The following ERC2 variants were observed in gnomAD, a reference collection of about 807,000 sequenced individuals.
The protein encoded by ERC2 is ELKS/RAB6-interacting/CAST family member 2.
A neutral mutation model predicts 114.8 loss-of-function variants in ERC2; 42 were observed. The observed-to-expected ratio is 0.37, with a 90% confidence interval of 0.29 to 0.47. ERC2 has a LOEUF of 0.47. ERC2 is among the 20% of genes least tolerant of loss of function. The pLI is 0.99. For synonymous variants in ERC2, 454 were observed against 425.5 expected, an observed-to-expected ratio of 1.07 and a Z score of -0.82; for missense variants, 939 against 1,150.7, an observed-to-expected ratio of 0.82 and a Z score of 2.66.
At position 55,636,779 on chromosome 3, in the gene ERC2, G is replaced by A. The variant is rs148085814; in HGVS notation, c.*39+47015C>T. Among the ~76,000 whole-genome samples, 1,398 of 152,338 alleles carry A rather than the reference G, an allele frequency of 9.2e-3. 21 individuals are homozygous for A. Among genetic ancestry groups the A allele is most frequent in the African/African-American group, 0.032 (1,347 of 41,584 alleles). On this transcript the variant is annotated intron_variant, in intron 17 of 17. Transcript: ENST00000288221. ...TATTTACAAAAACAGGCAGGGCACTGAATCTGGCCCGCAGCCCTACGGTTT... is the reference window on the plus strand; with the variant it reads ...TATTTACAAAAACAGGCAGGGCACTAAATCTGGCCCGCAGCCCTACGGTTT...
chr3:56,392,973 C>G lies in ERC2; in HGVS notation c.657+41378G>C, dbSNP rs538385413. 2.5e-3 allele frequency among the ~76,000 whole-genome samples: 381 copies of G among 152,304 alleles called. 2 individuals carry two copies. Among genetic ancestry groups the G allele is most frequent in the African/African-American group, 8.9e-3 (368 of 41,562 alleles). On this transcript the variant is annotated intron_variant, in intron 2 of 17. Coordinates refer to ENST00000288221, the MANE Select transcript of ERC2 (RefSeq NM_015576.3). ...TTCAGCTCCTTCTTGCCCACAAGTC[C>G]TTTCTGGTGCCTCCCACTCAACACC...
At chr3:56,064,584 T>C (rs1373429625) in intron 7 of ERC2, among the ~76,000 whole-genome samples, 1 of 152,210 alleles carries the variant, frequency 6.6e-6, no homozygotes, top group Non-Finnish European at 1.5e-5. Flanking sequence ...AAGGAAGACC[T>C]CACCCTTGGG....
At chr3:55,994,449 T>C (rs1462606075) in intron 10 of ERC2, among the ~76,000 whole-genome samples, 1 of 152,098 alleles carries the variant, frequency 6.6e-6, no homozygotes, top group East Asian at 1.9e-4. Context: ...CTGCATCTTA[T>C]ATTTACAAAA....
intron 15 of ERC2, among the ~76,000 whole-genome samples, chr3:55,703,971 C>T (rs1018704969): frequency 2.6e-5 from 4 of 152,174 alleles, no homozygotes; most frequent in African/African-American, 9.7e-5. Context: ...ACTTACCTCA[C>T]TAAGAATAAG....
intron 4 of ERC2, among the ~76,000 whole-genome samples, chr3:56,161,558 C>CTTTG (rs1388717444): frequency 6.6e-6 from 1 of 152,134 alleles, no homozygotes; most frequent in Non-Finnish European, 1.5e-5. Context: ...TTGTTTATGT[C>CTTTG]ATCTGTGATT....
At chr3:56,363,665 C>T (rs1243903930) in intron 2 of ERC2, among the ~76,000 whole-genome samples, 1 of 152,114 alleles carries the variant, frequency 6.6e-6, no homozygotes, top group Non-Finnish European at 1.5e-5. Flanking sequence ...TTTAATCTAT[C>T]AATGTAACTT....
At chr3:55,582,075 C>T (rs938191008) in intron 17 of ERC2, among the ~76,000 whole-genome samples, 5 of 152,212 alleles carry the variant, frequency 3.3e-5, no homozygotes, top group African/African-American at 1.2e-4. Context: ...ACACTCTTCA[C>T]TTTTCCTGTA....
chr3:55,728,687 C>T (rs2065068727), intron 15 of ERC2, among the ~76,000 whole-genome samples: 2 of 152,120 alleles, frequency 1.3e-5, no homozygotes, highest in African/African-American at 2.4e-5. Flanking sequence ...GGCCTGGAGG[C>T]CAGATGTACT....
intron 3 of ERC2, among the ~76,000 whole-genome samples, chr3:56,259,856 G>C (rs2150257557): frequency 6.6e-6 from 1 of 152,234 alleles, no homozygotes; most frequent in African/African-American, 2.4e-5. Context: ...CTTTTGGCTG[G>C]ATCTATAAAA....
chr3:55,985,914 G>C lies in ERC2; in HGVS notation c.2267+63C>G, dbSNP rs142023981. On this transcript the variant is annotated intron_variant, in intron 12 of 17. Coordinates refer to ENST00000288221, the MANE Select transcript of ERC2 (RefSeq NM_015576.3). ...TTTCAGAAATGTGTTTGTTAAACAA[G>C]TGCAAGCCATAAATTGAGCTTAGGA... 1,449 of 1,420,472 alleles carry C rather than the reference G, an allele frequency of 1.0e-3. 11 individuals are homozygous for C. In the African/African-American group the frequency reaches 0.014, roughly 14 times the overall value. The allele number at this position is 1,420,472 out of a possible 1,614,324, so 88.0% of individuals were successfully genotyped here.
chr3:56,322,891 A>G (rs1198764803), intron 2 of ERC2, among the ~76,000 whole-genome samples: 2 of 152,204 alleles, frequency 1.3e-5, no homozygotes, highest in Non-Finnish European at 2.9e-5. Flanking sequence ...GTGTTGGGAC[A>G]TGGGGCCTAG....
intron 14 of ERC2, among the ~76,000 whole-genome samples, chr3:55,837,143 T>C (rs1029616644): frequency 6.6e-6 from 1 of 152,154 alleles, no homozygotes. Context: ...AGGAACACTT[T>C]TACACTGTTG....
chr3:55,715,223 G>A (rs1226265988), intron 15 of ERC2, among the ~76,000 whole-genome samples: 1 of 152,152 alleles, frequency 6.6e-6, no homozygotes, highest in Non-Finnish European at 1.5e-5. Context: ...ACCCTGTCAG[G>A]CTCTGAACCA....
chr3:55,790,610 C>A (rs992723692), intron 14 of ERC2, among the ~76,000 whole-genome samples: 2 of 152,186 alleles, frequency 1.3e-5, no homozygotes, highest in Non-Finnish European at 2.9e-5. Context: ...GGGTGAATAA[C>A]AACCCTACTA....
At chr3:55,583,342 TCTGCCTGCCTGCCTGC>T (rs560504811) in intron 17 of ERC2, among the ~76,000 whole-genome samples, 12 of 149,054 alleles carry the variant, frequency 8.1e-5, no homozygotes, top group African/African-American at 2.0e-4. Context: ...TGCCTGCCTG[TCTGCCTGCCTGCCTGC>T]CTGCCTGCCT....
At chr3:56,213,305 T>A (rs2049202879) in intron 3 of ERC2, among the ~76,000 whole-genome samples, 1 of 152,164 alleles carries the variant, frequency 6.6e-6, no homozygotes, top group African/African-American at 2.4e-5. Flanking sequence ...GAAAACTGGG[T>A]CACTCCCACC....
intron 13 of ERC2, among the ~76,000 whole-genome samples, chr3:55,930,909 A>G (rs2066039118): frequency 6.6e-6 from 1 of 152,066 alleles, no homozygotes; most frequent in South Asian, 2.1e-4. Context: ...AATTTACAGG[A>G]AAAAAAACAA....
chr3:56,467,952 G>A (rs2063625267), intron 1 of ERC2, among the ~76,000 whole-genome samples: 2 of 152,212 alleles, frequency 1.3e-5, no homozygotes, highest in Admixed American at 1.3e-4. Context: ...GAGGGACTGC[G>A]GGAGGTGGCC....
chr3:56,163,167 A>G (rs769601858), intron 4 of ERC2, among the ~76,000 whole-genome samples: 4 of 152,036 alleles, frequency 2.6e-5, no homozygotes, highest in Non-Finnish European at 4.4e-5. Context: ...CCATGTAATT[A>G]TGTGCTTTTG....
Sources: gnomAD v4.1 joint callset for allele counts (sites outside exome capture counted in the v4.1 genomes callset) on GRCh38, gnomAD v4.1.1 for gene constraint, MANE v1.5 for transcripts, NCBI Gene and HGNC (gene_info 2026-07-23, HGNC 2026-07-21) for gene names.